NFIA: variants seen among roughly 807,000 people sequenced by gnomAD.
NFIA encodes nuclear factor I A.
In NFIA, 8 loss-of-function variants were observed where a neutral mutation model predicts 62.8. That is an observed-to-expected ratio of 0.13 (90% CI 0.07 to 0.23). The LOEUF (loss-of-function observed/expected upper bound fraction) is 0.23, where lower values mean the gene tolerates loss of function less well. NFIA is among the 10% of genes least tolerant of loss of function. The probability of loss-of-function intolerance (pLI) is 1.00; values close to 1 mark genes in which losing one functional copy is unlikely to be tolerated. For synonymous variants in NFIA, 235 were observed against 238.1 expected (o/e 0.99, Z 0.12); for missense variants, 410 against 642.1 (o/e 0.64, Z 3.91).
At chr1:61,140,702 A>G (rs1647441518) in intron 2 of NFIA, among the ~76,000 whole-genome samples, 1 of 152,172 alleles carries the variant, frequency 6.6e-6, no homozygotes, top group Non-Finnish European at 1.5e-5. Flanking sequence ...ACCTCTGGGC[A>G]TTCTGGCACA....
intron 2 of NFIA, among the ~76,000 whole-genome samples, chr1:61,211,823 A>G (rs570185798): frequency 6.6e-6 from 1 of 152,102 alleles, no homozygotes; most frequent in Non-Finnish European, 1.5e-5. Flanking sequence ...TCAGCCCCCA[A>G]GTAGCTGGGA....
chr1:61,119,590 ATAGT>A (rs1210577278), intron 2 of NFIA, among the ~76,000 whole-genome samples: 3 of 152,330 alleles, frequency 2.0e-5, no homozygotes, highest in Non-Finnish European at 4.4e-5. Context: ...ATAACTTGTG[ATAGT>A]TCTTGCTAAA....
intron 3 of NFIA, among the ~76,000 whole-genome samples, chr1:61,316,950 C>T (rs1311000363): frequency 6.6e-6 from 1 of 152,122 alleles, no homozygotes; most frequent in Non-Finnish European, 1.5e-5. Context: ...AAAGTTATTT[C>T]TGCATTTAGT....
chr1:61,092,261 G>A (rs181460522), intron 2 of NFIA, among the ~76,000 whole-genome samples: 1 of 152,290 alleles, frequency 6.6e-6, no homozygotes, highest in East Asian at 1.9e-4. Context: ...CAGTTTGAAA[G>A]ATTAATAAGT....
chr1:61,320,080 T>C (rs1660599840), intron 3 of NFIA, among the ~76,000 whole-genome samples: 1 of 151,948 alleles, frequency 6.6e-6, no homozygotes, highest in Non-Finnish European at 1.5e-5. Context: ...ATATTGGCCC[T>C]TTTCTCTTCC....
chr1:61,171,552 A>C (rs528622904), intron 2 of NFIA, among the ~76,000 whole-genome samples: 5 of 152,214 alleles, frequency 3.3e-5, no homozygotes, highest in African/African-American at 1.2e-4. Context: ...AAAACATTGA[A>C]TATAGGATTT....
At chr1:61,210,594 G>T (rs1243418657) in intron 2 of NFIA, among the ~76,000 whole-genome samples, 2 of 152,130 alleles carry the variant, frequency 1.3e-5, no homozygotes, top group East Asian at 1.9e-4. Flanking sequence ...GATGGCCCAT[G>T]CATCTCTGAC....
chr1:61,293,148 A>G (rs1032312970), intron 3 of NFIA, among the ~76,000 whole-genome samples: 2 of 152,164 alleles, frequency 1.3e-5, no homozygotes, highest in Non-Finnish European at 2.9e-5. Flanking sequence ...CTGCCATGTT[A>G]CCATTGCCCT....
At chr1:61,206,181 T>C (rs1026110666) in intron 2 of NFIA, among the ~76,000 whole-genome samples, 4 of 152,156 alleles carry the variant, frequency 2.6e-5, no homozygotes, top group Admixed American at 6.5e-5. Context: ...TGTAAGACTT[T>C]TTGTTATAAA....
intron 4 of NFIA, among the ~76,000 whole-genome samples, chr1:61,341,982 T>C: frequency 6.6e-6 from 1 of 152,148 alleles, no homozygotes; most frequent in East Asian, 1.9e-4. Flanking sequence ...TAGCTAACTC[T>C]TGCCGAGTAG....
chr1:61,422,684 A>G (rs1270173527), intron 9 of NFIA, among the ~76,000 whole-genome samples: 2 of 149,804 alleles, frequency 1.3e-5, no homozygotes. Context: ...AGGCGAGAGG[A>G]TTGCCTGAGC....
At chr1:61,406,467 C>A in intron 8 of NFIA, 95 bp from the exon 9 acceptor site, 1 of 1,008,576 alleles carries the variant, frequency 9.9e-7, no homozygotes, top group Non-Finnish European at 1.5e-6. Flanking sequence ...ATTAAAGGTG[C>A]CTGATGAATA....
chr1:61,184,297 C>G (rs985106874), intron 2 of NFIA, among the ~76,000 whole-genome samples: 9 of 152,230 alleles, frequency 5.9e-5, no homozygotes, highest in African/African-American at 2.2e-4. Flanking sequence ...TGTATTTACT[C>G]GGCCGCAGCC....
At chr1:61,445,120 A>G (rs1005574302) in intron 10 of NFIA, among the ~76,000 whole-genome samples, 1 of 152,224 alleles carries the variant, frequency 6.6e-6, no homozygotes. Flanking sequence ...CTCAGAAGTC[A>G]CTACTAAAAA....
At position 61,138,820 on chromosome 1, in the gene NFIA, C is replaced by T. The variant is rs938084503; in HGVS notation, c.559+50140C>T. Among the ~76,000 whole-genome samples the T allele has an allele frequency of 2.6e-5, 4 of 151,428 alleles. No homozygotes were observed. The East Asian group carries it at 6.1e-4, about 23-fold the overall frequency. On this transcript the variant is annotated intron_variant, in intron 2 of 10. Coordinates refer to ENST00000403491, the MANE Select transcript of NFIA (RefSeq NM_001134673.4). ...TGGTCTCGAACTCCTGGCCTCAAGTCGTCCGCCCACCTCGGCCTCCCAAAG... is the reference window on the plus strand; with the variant it reads ...TGGTCTCGAACTCCTGGCCTCAAGTTGTCCGCCCACCTCGGCCTCCCAAAG...
rs1467064342 is a variant in NFIA, at chr1:61,217,160, G to A, written c.560-60360G>A. Among the ~76,000 whole-genome samples the A allele has an allele frequency of 3.3e-5, 5 of 149,868 alleles. No homozygotes were observed. The East Asian group carries it at 6.0e-4, about 18-fold the overall frequency. Reference sequence around the variant, plus strand: ...CAACCTCCGCCTCCTGGGTTCAAGCGATTCTTCTGCCTCAGCCTTCTGAGT... The same window carrying A: ...CAACCTCCGCCTCCTGGGTTCAAGCAATTCTTCTGCCTCAGCCTTCTGAGT... On this transcript the variant is annotated intron_variant, in intron 2 of 10. Coordinates refer to ENST00000403491, the MANE Select transcript of NFIA (RefSeq NM_001134673.4).
chr1:61,359,313 T>G (rs1266438559), intron 6 of NFIA, 39 bp downstream of exon 6: 2 of 1,611,372 alleles, frequency 1.2e-6, no homozygotes, highest in Non-Finnish European at 1.7e-6. Context: ...GCTAACACTG[T>G]GAAACTGAAA....
intron 2 of NFIA, among the ~76,000 whole-genome samples, chr1:61,146,572 C>T (rs1648005304): frequency 6.6e-6 from 1 of 152,186 alleles, no homozygotes; most frequent in South Asian, 2.1e-4. Context: ...GGCTCAAAAA[C>T]CCCTCCTCCA....
chr1:61,253,161 A>G (rs1219804696), intron 2 of NFIA, among the ~76,000 whole-genome samples: 2 of 152,338 alleles, frequency 1.3e-5, no homozygotes, highest in South Asian at 2.1e-4. Flanking sequence ...TGGCAGTTCA[A>G]TGTCCCAAAA....
Sources: allele counts gnomAD v4.1 joint callset (sites outside exome capture counted in the v4.1 genomes callset), GRCh38; gene constraint gnomAD v4.1.1; transcripts MANE v1.5; gene names NCBI Gene and HGNC (gene_info 2026-07-23, HGNC 2026-07-21).